CNTLN: variants seen among roughly 807,000 people sequenced by gnomAD.
CNTLN encodes centlein.
In CNTLN, 212 loss-of-function variants were observed where a neutral mutation model predicts 180.0. The ratio of observed to expected loss-of-function variants is 1.18; its 90% CI spans 1.05 to 1.32. The LOEUF (loss-of-function observed/expected upper bound fraction) is 1.32. CNTLN is among the 40% of genes most tolerant of loss of function. CNTLN has a pLI of 0.00. For missense variants in CNTLN, 2,095 were observed against 1,610.9 expected (o/e 1.30, Z -5.14); for synonymous variants, 722 against 563.1 (o/e 1.28, Z -3.99).
the CNTLN span, among the ~76,000 whole-genome samples, chr9:17,509,511 G>A: frequency 6.6e-6 from 1 of 152,172 alleles, no homozygotes; most frequent in Non-Finnish European, 1.5e-5. Flanking sequence ...ATGGGCCTGT[G>A]CTCATGAAAT....
intron 2 of CNTLN, among the ~76,000 whole-genome samples, chr9:17,220,309 C>G (rs1259666606): frequency 6.6e-6 from 1 of 151,668 alleles, no homozygotes; most frequent in Non-Finnish European, 1.5e-5. Context: ...TAGTATTATC[C>G]GTATCTCATT....
intron 5 of CNTLN, among the ~76,000 whole-genome samples, chr9:17,252,369 G>C (rs1436417071): frequency 6.6e-6 from 1 of 151,638 alleles, no homozygotes; most frequent in African/African-American, 2.4e-5. Flanking sequence ...GTGTATAAGA[G>C]TTCTGTTATA....
chr9:17,166,265 A>G (rs960209578), intron 2 of CNTLN, among the ~76,000 whole-genome samples: 1 of 152,202 alleles, frequency 6.6e-6, no homozygotes, highest in African/African-American at 2.4e-5. Context: ...GATTGTCAAA[A>G]TAAAAAATTA....
chr9:17,305,787 C>T (rs1195676070), intron 7 of CNTLN, among the ~76,000 whole-genome samples: 3 of 152,134 alleles, frequency 2.0e-5, no homozygotes, highest in Non-Finnish European at 4.4e-5. Context: ...TTCCTGTACT[C>T]TAAGTTCACA....
intron 18 of CNTLN, among the ~76,000 whole-genome samples, chr9:17,422,256 A>G (rs1355491247): frequency 6.6e-6 from 1 of 152,058 alleles, no homozygotes; most frequent in East Asian, 1.9e-4. Context: ...AGTCTGCTGT[A>G]TTAGAGCTCT....
intron 5 of CNTLN, among the ~76,000 whole-genome samples, chr9:17,254,006 T>C (rs1479744654): frequency 1.3e-5 from 2 of 151,696 alleles, no homozygotes; most frequent in East Asian, 1.9e-4. Flanking sequence ...AATTTTATCA[T>C]GATTTTTCTG....
At chr9:17,201,040 A>C (rs1021391304) in intron 2 of CNTLN, among the ~76,000 whole-genome samples, 5 of 152,154 alleles carry the variant, frequency 3.3e-5, no homozygotes, top group African/African-American at 1.2e-4. Flanking sequence ...TTTTAACATG[A>C]AGGGATGTTG....
the CNTLN span, among the ~76,000 whole-genome samples, chr9:17,515,502 A>G: frequency 1.3e-5 from 2 of 152,088 alleles, no homozygotes; most frequent in African/African-American, 4.8e-5. Flanking sequence ...TGATGGTCTA[A>G]TAGGTATCCC....
At chr9:17,322,417 C>T (rs1285483469) in intron 8 of CNTLN, among the ~76,000 whole-genome samples, 1 of 151,914 alleles carries the variant, frequency 6.6e-6, no homozygotes, top group Non-Finnish European at 1.5e-5. Context: ...AAAAATAAAC[C>T]ATTTCTGCTA....
In CNTLN at chr9:17,503,760, G is replaced by A. The variant is rs528841228; in HGVS notation, c.*1108G>A. The stretch of plus-strand genomic sequence containing the variant: ...GTTGGCAGATTATAGCCTGCAGGGC[G>A]AATCTGGCCTGCCACCTGTTTTGTA... On this transcript the variant is annotated 3_prime_UTR_variant, in exon 26 of 26. Coordinates refer to ENST00000380647, the MANE Select transcript of CNTLN (RefSeq NM_017738.4). 1 of 152,602 alleles carries A rather than the reference G, an allele frequency of 6.6e-6. No individual in the cohort carries two copies. The highest frequency in any genetic ancestry group is 2.4e-5 in the African/African-American group (1 of 41,442). The allele number at this position is 152,602 out of a possible 1,614,324, so 9.5% of individuals were successfully genotyped here.
Position 17,366,673 on chromosome 9 carries a change from C to T in CNTLN, c.1943C>T (p.Ala648Val), listed in dbSNP as rs778033952. ...AAAGTACATATATCTATTGATAAGGCAGCAATACAAGAATTGAATAGATGT... is the reference window on the plus strand; with the variant it reads ...AAAGTACATATATCTATTGATAAGGTAGCAATACAAGAATTGAATAGATGT... The part of the protein sequence containing the change: ...ELKVHISIDK[A>V]AIQELNRCVA... The change falls in exon 13 of 26, where the codon GCA becomes GTA. Residue 648 changes from alanine (A) to valine (V), a missense_variant. Ala to Val is a moderately conservative substitution (Grantham distance 64). Coordinates refer to ENST00000380647, the MANE Select transcript of CNTLN (RefSeq NM_017738.4). The T allele has an allele frequency of 8.2e-6, 13 of 1,586,576 alleles. No homozygotes were observed. The highest frequency in any genetic ancestry group is 1.1e-5 in the Non-Finnish European group (13 of 1,162,306).
Position 17,384,060 on chromosome 9 carries a change from A to T in CNTLN, c.1988-4102A>T, listed in dbSNP as rs550572740. ...TGAAGCACTTGGAAGTAGAAAATAA[A>T]CAGTCTAAAATATTTTAAAAGTGTG... On this transcript the variant is annotated intron_variant, in intron 13 of 25. Transcript: ENST00000380647. Among the ~76,000 whole-genome samples, 8 of 152,310 alleles carry T rather than the reference A, an allele frequency of 5.3e-5. No individual in the cohort carries two copies. The South Asian group carries it at 1.7e-3, about 32-fold the overall frequency.
chr9:17,348,198 G>C (rs1587727912), intron 12 of CNTLN, among the ~76,000 whole-genome samples: 1 of 151,980 alleles, frequency 6.6e-6, no homozygotes. Context: ...GAAAAGATCA[G>C]AATTCAAAAT....
At chr9:17,414,330 C>T (rs1248795642) in intron 16 of CNTLN, among the ~76,000 whole-genome samples, 2 of 152,016 alleles carry the variant, frequency 1.3e-5, no homozygotes, top group Admixed American at 1.3e-4. Flanking sequence ...TGAGAGTTTT[C>T]TTGAGTTTGT....
intron 12 of CNTLN, among the ~76,000 whole-genome samples, chr9:17,365,344 C>T (rs1014481539): frequency 1.1e-4 from 16 of 152,294 alleles, no homozygotes; most frequent in Non-Finnish European, 7.4e-5. Flanking sequence ...CATGAGGCCT[C>T]CTCAGCCATG....
chr9:17,413,682 G>C (rs1828020911), intron 16 of CNTLN, among the ~76,000 whole-genome samples: 1 of 152,116 alleles, frequency 6.6e-6, no homozygotes, highest in Non-Finnish European at 1.5e-5. Context: ...TTCACTATTA[G>C]GAAACAGCTA....
intron 12 of CNTLN, among the ~76,000 whole-genome samples, chr9:17,343,775 G>A (rs1156467663): frequency 6.6e-6 from 1 of 151,972 alleles, no homozygotes; most frequent in Non-Finnish European, 1.5e-5. Flanking sequence ...TAGATTTACA[G>A]TTTTATCACC....
At chr9:17,504,160 C>A (rs1260603119), downstream of CNTLN, among the ~76,000 whole-genome samples, 2 of 152,012 alleles carry the variant, frequency 1.3e-5, no homozygotes, top group Non-Finnish European at 2.9e-5. Flanking sequence ...AAAGAAATGA[C>A]CATCAAATGT....
chr9:17,225,740 A>T, intron 2 of CNTLN, among the ~76,000 whole-genome samples: 2 of 152,158 alleles, frequency 1.3e-5, no homozygotes, highest in South Asian at 2.1e-4. Flanking sequence ...AGTTAATAGT[A>T]TTCTCAGAGA....
Sources: gnomAD v4.1 joint callset for allele counts (sites outside exome capture counted in the v4.1 genomes callset) on GRCh38, gnomAD v4.1.1 for gene constraint, MANE v1.5 for transcripts, NCBI Gene and HGNC (gene_info 2026-07-23, HGNC 2026-07-21) for gene names.